The following STK32B variants were observed in gnomAD, a reference collection of about 807,000 sequenced individuals.
The protein encoded by STK32B is serine/threonine-protein kinase 32B.
A neutral mutation model predicts 52.6 loss-of-function variants in STK32B; 43 were observed. That is an observed-to-expected ratio of 0.82 (90% CI 0.64 to 1.05). The LOEUF is 1.05. Ranked by LOEUF, STK32B falls within the 50% of genes least tolerant of loss-of-function variation. STK32B has a pLI of 0.00. For synonymous variants in STK32B, 238 were observed against 204.3 expected (o/e 1.17, Z -1.41); for missense variants, 621 against 534.6 (o/e 1.16, Z -1.59).
intron 11 of STK32B, among the ~76,000 whole-genome samples, chr4:5,472,190 A>T (rs977128477): frequency 4.6e-5 from 7 of 152,202 alleles, no homozygotes; most frequent in African/African-American, 1.7e-4. Context: ...TGGGCCTCAC[A>T]CAGAAGTGAG....
intron 4 of STK32B, among the ~76,000 whole-genome samples, chr4:5,339,780 T>C (rs1056201049): frequency 2.6e-5 from 4 of 152,200 alleles, no homozygotes; most frequent in Admixed American, 6.5e-5. Flanking sequence ...AAAATGCTCC[T>C]GATTAAACCT....
At chr4:5,139,704 G>A (rs922375165) in intron 1 of STK32B, 10 of 587,342 alleles carry the variant, frequency 1.7e-5, no homozygotes, top group African/African-American at 1.3e-4. Context: ...GGCTTCAGAT[G>A]GACAATTTGT....
chr4:5,232,146 G>C (rs961733467), intron 3 of STK32B, among the ~76,000 whole-genome samples: 4 of 152,066 alleles, frequency 2.6e-5, no homozygotes, highest in Non-Finnish European at 5.9e-5. Flanking sequence ...GATAGTGAAG[G>C]CTATGGGGTC....
At chr4:5,408,359 C>G (rs954541721) in intron 5 of STK32B, among the ~76,000 whole-genome samples, 1 of 151,976 alleles carries the variant, frequency 6.6e-6, no homozygotes, top group African/African-American at 2.4e-5. Context: ...ATGCAGGTAG[C>G]ACCTACCCCC....
At chr4:5,074,618 C>A (rs1022654599) in intron 1 of STK32B, among the ~76,000 whole-genome samples, 7 of 152,124 alleles carry the variant, frequency 4.6e-5, no homozygotes, top group Middle Eastern at 3.4e-3. Context: ...ATGTGTAAAG[C>A]ACTAAACACA....
chr4:5,129,185 A>G (rs1715595999), intron 1 of STK32B, among the ~76,000 whole-genome samples: 1 of 152,120 alleles, frequency 6.6e-6, no homozygotes, highest in Non-Finnish European at 1.5e-5. Flanking sequence ...ACTCCAATCC[A>G]CTCAGGAATT....
At chr4:5,243,503 A>G (rs1331921027) in intron 3 of STK32B, among the ~76,000 whole-genome samples, 1 of 152,210 alleles carries the variant, frequency 6.6e-6, no homozygotes, top group East Asian at 1.9e-4. Flanking sequence ...TTTTCTAGGT[A>G]TACAATCATG....
chr4:5,049,007 G>A (rs956453721), upstream of STK32B, among the ~76,000 whole-genome samples: 22 of 152,176 alleles, frequency 1.4e-4, no homozygotes, highest in African/African-American at 5.3e-4. Flanking sequence ...ACACATGCAC[G>A]CTGTCACTGA....
intron 3 of STK32B, among the ~76,000 whole-genome samples, chr4:5,290,594 T>C (rs549605483): frequency 6.1e-4 from 92 of 151,622 alleles, no homozygotes; most frequent in African/African-American, 2.1e-3. Context: ...GACTGCATTT[T>C]TTTAATTACT....
At chr4:5,244,406 T>C (rs1456129322) in intron 3 of STK32B, among the ~76,000 whole-genome samples, 2 of 152,208 alleles carry the variant, frequency 1.3e-5, no homozygotes, top group Admixed American at 6.5e-5. Flanking sequence ...TGTATTTCTG[T>C]GGGATTGGTG....
chr4:5,065,216 C>T (rs1029507010), intron 1 of STK32B, among the ~76,000 whole-genome samples: 3 of 152,218 alleles, frequency 2.0e-5, no homozygotes, highest in African/African-American at 7.2e-5. Flanking sequence ...ATTCCAAGAA[C>T]TGTCAACCAG....
intron 1 of STK32B, chr4:5,127,109 A>G (rs934571182): frequency 5.8e-6 from 3 of 513,184 alleles, no homozygotes; most frequent in Middle Eastern, 3.2e-4. Context: ...AGGGAACTTA[A>G]CCAGACGAGA....
At chr4:5,019,536 G>A in the STK32B span, 5 of 1,320,350 alleles carry the variant, frequency 3.8e-6, no homozygotes, top group Admixed American at 4.0e-5. Context: ...TTCCTGTGGG[G>A]CCAGCGCAGG....
chr4:5,064,448 T>C (rs1224802246), intron 1 of STK32B, among the ~76,000 whole-genome samples: 1 of 98,710 alleles, frequency 1.0e-5, no homozygotes, highest in East Asian at 2.8e-4. Context: ...AATATATAAA[T>C]ATATACTTAT....
At chr4:5,254,907 C>T (rs189341833) in intron 3 of STK32B, among the ~76,000 whole-genome samples, 4 of 151,252 alleles carry the variant, frequency 2.6e-5, no homozygotes, top group African/African-American at 7.3e-5. Flanking sequence ...ATTCTCAAGC[C>T]TCAATAAACT....
At chr4:5,372,725 G>GGC (rs918458466) in intron 4 of STK32B, among the ~76,000 whole-genome samples, 3 of 150,516 alleles carry the variant, frequency 2.0e-5, no homozygotes, top group African/African-American at 7.3e-5. Flanking sequence ...AAAGTTGGGG[G>GGC]GGGGGGCGGT....
chr4:5,144,649 G>C (rs1716763983), intron 2 of STK32B, among the ~76,000 whole-genome samples: 1 of 152,188 alleles, frequency 6.6e-6, no homozygotes, highest in Non-Finnish European at 1.5e-5. Context: ...CTTGGAAACT[G>C]TACAGCTCTG....
chr4:5,045,208 G>A, the STK32B span, among the ~76,000 whole-genome samples: 7 of 152,232 alleles, frequency 4.6e-5, no homozygotes, highest in Non-Finnish European at 1.5e-5. Context: ...CTGCCTGAGC[G>A]GGCTCTGTAC....
intron 4 of STK32B, among the ~76,000 whole-genome samples, chr4:5,376,038 C>T (rs777024983): frequency 3.9e-4 from 59 of 152,280 alleles, no homozygotes; most frequent in South Asian, 8.3e-4. Context: ...ACACTCTGGA[C>T]GCAGAGTTCC....
Sources: allele counts gnomAD v4.1 joint callset (sites outside exome capture counted in the v4.1 genomes callset), GRCh38; gene constraint gnomAD v4.1.1; transcripts MANE v1.5; gene names NCBI Gene and HGNC (gene_info 2026-07-23, HGNC 2026-07-21).